Variants in ARHGAP32 observed in about 807,000 individuals in gnomAD.
The protein encoded by ARHGAP32 is Rho GTPase activating protein 32.
A neutral mutation model predicts 186.5 loss-of-function variants in ARHGAP32; 51 were observed. That is an observed-to-expected ratio of 0.27 (90% CI 0.22 to 0.35). ARHGAP32 has a LOEUF of 0.35. Ranked by LOEUF, ARHGAP32 falls within the 10% of genes least tolerant of loss-of-function variation. The pLI is 1.00. For synonymous variants in ARHGAP32, 950 were observed against 964.3 expected, an observed-to-expected ratio of 0.99 and a Z score of 0.27; for missense variants, 2,186 against 2,623.5, an observed-to-expected ratio of 0.83 and a Z score of 3.64.
intron 11 of ARHGAP32, among the ~76,000 whole-genome samples, chr11:129,013,296 C>T (rs1018110359): frequency 1.3e-5 from 2 of 152,192 alleles, no homozygotes; most frequent in Non-Finnish European, 1.5e-5. Flanking sequence ...TGCATTGTCA[C>T]CTTTCCACAA....
chr11:129,261,945 C>T (rs1945325583), intron 1 of ARHGAP32, among the ~76,000 whole-genome samples: 1 of 152,158 alleles, frequency 6.6e-6, no homozygotes, highest in Admixed American at 6.5e-5. Flanking sequence ...TACAGCTAAA[C>T]TTAGAGATGT....
Position 128,979,417 on chromosome 11 carries a change from A to G in ARHGAP32, c.1977-502T>C, listed in dbSNP as rs114477144. ...ACAACCACATGAGGTAAGTACTATT[A>G]TTCTCATTTTGCAGCCAAGGAAATT... is the stretch of plus-strand genomic sequence containing the variant. On this transcript the variant is annotated intron_variant, in intron 18 of 22. Transcript: ENST00000682385. 2.5e-3 allele frequency among the ~76,000 whole-genome samples: 380 copies of G among 152,342 alleles called. 1 individual carries two copies. Among genetic ancestry groups the G allele is most frequent in the African/African-American group, 8.9e-3 (371 of 41,588 alleles).
At chr11:129,055,472 A>T (rs1198161221) in intron 10 of ARHGAP32, among the ~76,000 whole-genome samples, 3 of 152,240 alleles carry the variant, frequency 2.0e-5, no homozygotes, top group African/African-American at 4.8e-5. Flanking sequence ...TCCACACAAT[A>T]ACCTGCACAT....
At chr11:129,098,222 A>G (rs534034536) in intron 5 of ARHGAP32, among the ~76,000 whole-genome samples, 5 of 152,164 alleles carry the variant, frequency 3.3e-5, no homozygotes, top group Non-Finnish European at 7.3e-5. Flanking sequence ...TAAAACACAT[A>G]CACACAAACA....
chr11:129,221,621 C>A (rs1944712904), intron 1 of ARHGAP32, among the ~76,000 whole-genome samples: 1 of 151,262 alleles, frequency 6.6e-6, no homozygotes. Flanking sequence ...GCTCTCTGCA[C>A]CCATCCTGCA....
At chr11:129,196,206 A>G (rs1213303695), upstream of ARHGAP32, among the ~76,000 whole-genome samples, 3 of 152,200 alleles carry the variant, frequency 2.0e-5, no homozygotes, top group East Asian at 1.9e-4. Context: ...TGACTTTCCT[A>G]GTAGCAGTGG....
At chr11:129,258,409 T>C (rs1010688648) in intron 1 of ARHGAP32, among the ~76,000 whole-genome samples, 11 of 152,174 alleles carry the variant, frequency 7.2e-5, no homozygotes, top group Admixed American at 2.6e-4. Context: ...TCGTTTCCTT[T>C]AGACTGGGAT....
intron 7 of ARHGAP32, 43 bp downstream of exon 7, chr11:129,066,688 A>T: frequency 2.5e-6 from 4 of 1,590,944 alleles, no homozygotes; most frequent in Non-Finnish European, 3.4e-6. Flanking sequence ...CTGCAAACTC[A>T]TATATAGTGA....
chr11:128,988,626 A>G (rs1265724203), intron 12 of ARHGAP32, among the ~76,000 whole-genome samples: 1 of 152,226 alleles, frequency 6.6e-6, no homozygotes, highest in Non-Finnish European at 1.5e-5. Context: ...TTCATAGTTA[A>G]TGCAAATTCT....
chr11:129,047,820 G>A (rs1458371705), intron 10 of ARHGAP32, among the ~76,000 whole-genome samples: 1 of 152,174 alleles, frequency 6.6e-6, no homozygotes, highest in African/African-American at 2.4e-5. Context: ...AAGTCAATGA[G>A]TCAATTAGTT....
chr11:129,222,761 C>T (rs930374953), intron 1 of ARHGAP32, among the ~76,000 whole-genome samples: 7 of 152,154 alleles, frequency 4.6e-5, no homozygotes, highest in Non-Finnish European at 8.8e-5. Context: ...CTGCAGCAAT[C>T]TAATAGTGCA....
intron 10 of ARHGAP32, among the ~76,000 whole-genome samples, chr11:129,054,215 G>A (rs1440125572): frequency 6.6e-6 from 1 of 152,090 alleles, no homozygotes; most frequent in Non-Finnish European, 1.5e-5. Context: ...ATAAAATTCT[G>A]TCACTCTCTA....
At chr11:129,127,483 A>T (rs1042624632) in intron 2 of ARHGAP32, among the ~76,000 whole-genome samples, 2 of 152,096 alleles carry the variant, frequency 1.3e-5, no homozygotes, top group Non-Finnish European at 2.9e-5. Flanking sequence ...CTAGCCTCTC[A>T]GTATATTTTT....
intron 1 of ARHGAP32, among the ~76,000 whole-genome samples, chr11:129,271,064 TA>T (rs1945466516): frequency 6.6e-6 from 1 of 152,202 alleles, no homozygotes; most frequent in African/African-American, 2.4e-5. Flanking sequence ...ATGAAGGGTT[TA>T]TTTCCACGGT....
chr11:129,061,072 T>C (rs1260768955), intron 10 of ARHGAP32, among the ~76,000 whole-genome samples: 3 of 152,128 alleles, frequency 2.0e-5, no homozygotes, highest in Non-Finnish European at 4.4e-5. Flanking sequence ...ATAAAAAATA[T>C]ATTTTATAAA....
intron 5 of ARHGAP32, among the ~76,000 whole-genome samples, chr11:129,109,433 C>A (rs1254630789): frequency 1.3e-5 from 2 of 152,194 alleles, no homozygotes; most frequent in Admixed American, 6.5e-5. Context: ...CCTTTAGATA[C>A]ATATGCAGTA....
At chr11:129,083,929 A>T (rs1291608116) in intron 6 of ARHGAP32, among the ~76,000 whole-genome samples, 1 of 152,174 alleles carries the variant, frequency 6.6e-6, no homozygotes, top group African/African-American at 2.4e-5. Context: ...AAACTAACTT[A>T]AAAAGACAGA....
chr11:129,068,999 T>A (rs1037274251), intron 6 of ARHGAP32, among the ~76,000 whole-genome samples: 2 of 152,104 alleles, frequency 1.3e-5, no homozygotes, highest in African/African-American at 4.8e-5. Flanking sequence ...TAAAATAATT[T>A]AAATTTTCAT....
At chr11:129,013,654 T>A (rs1386680020) in intron 11 of ARHGAP32, among the ~76,000 whole-genome samples, 1 of 152,200 alleles carries the variant, frequency 6.6e-6, no homozygotes, top group African/African-American at 2.4e-5. Flanking sequence ...TTCAATTTAA[T>A]TATACTCAAA....
Sources: gnomAD v4.1 joint callset for allele counts (sites outside exome capture counted in the v4.1 genomes callset) on GRCh38, gnomAD v4.1.1 for gene constraint, MANE v1.5 for transcripts, NCBI Gene and HGNC (gene_info 2026-07-23, HGNC 2026-07-21) for gene names.